TEX11: variants seen among roughly 807,000 people sequenced by gnomAD.
TEX11 encodes testis expressed 11.
Under a neutral mutation model 84.4 loss-of-function variants are expected in TEX11, and 7 were observed. The ratio of observed to expected loss-of-function variants is 0.08; its 90% CI spans 0.05 to 0.16. The LOEUF is 0.16. TEX11 is among the 10% of genes least tolerant of loss of function. The probability of loss-of-function intolerance (pLI) is 1.00; values close to 1 mark genes in which losing one functional copy is unlikely to be tolerated. For synonymous variants in TEX11, 264 were observed against 222.8 expected (o/e 1.18, Z -1.64); for missense variants, 551 against 660.5 (o/e 0.83, Z 1.82).
intron 8 of TEX11, among the ~76,000 whole-genome samples, chrX:70,824,292 G>A (rs1475786032): frequency 1.8e-5 from 2 of 112,003 alleles, no homozygotes; most frequent in Non-Finnish European, 3.8e-5. Context: ...AGAAGCGAAT[G>A]CTGTGGTACA....
chrX:70,890,544 G>A (rs1355661555), intron 2 of TEX11, among the ~76,000 whole-genome samples: 1 of 112,839 alleles, frequency 8.9e-6, no homozygotes, highest in African/African-American at 3.2e-5. Context: ...AGCACACCAG[G>A]AGATTGTGTT....
chrX:70,749,043 C>T (rs765842237), intron 9 of TEX11, among the ~76,000 whole-genome samples: 4 of 101,546 alleles, frequency 3.9e-5, no homozygotes, highest in African/African-American at 1.6e-4. Context: ...TCGATTCTTC[C>T]TACCCATGAG....
intron 2 of TEX11, among the ~76,000 whole-genome samples, chrX:70,902,189 T>C (rs1469141138): frequency 8.9e-6 from 1 of 112,019 alleles, no homozygotes; most frequent in Admixed American, 9.5e-5. Context: ...AGGTAGAAGC[T>C]GTGGTGAGCC....
At chrX:70,779,105 T>TA (rs1461012835) in intron 9 of TEX11, among the ~76,000 whole-genome samples, 1 of 109,461 alleles carries the variant, frequency 9.1e-6, no homozygotes, top group African/African-American at 3.3e-5. Flanking sequence ...CAAATGAAAA[T>TA]AAAAACAATC....
At chrX:70,629,456 G>T (rs984997104) in intron 18 of TEX11, among the ~76,000 whole-genome samples, 155 bp downstream of exon 18, 4 of 111,777 alleles carry the variant, frequency 3.6e-5, no homozygotes, top group African/African-American at 1.3e-4. Context: ...GAAATGAGAA[G>T]AAATAAAGCA....
chrX:70,809,934 T>C (rs1444934976), intron 8 of TEX11, among the ~76,000 whole-genome samples: 1 of 111,935 alleles, frequency 8.9e-6, no homozygotes, highest in Admixed American at 9.5e-5. Flanking sequence ...TATGTATAGA[T>C]ACACACTGAT....
chrX:70,646,367 T>C (rs2089742833), intron 17 of TEX11, among the ~76,000 whole-genome samples: 1 of 111,789 alleles, frequency 8.9e-6, no homozygotes, highest in South Asian at 3.7e-4. Flanking sequence ...AACACAAAAA[T>C]AGACACATGG....
At chrX:70,882,273 A>C (rs1178181293) in intron 2 of TEX11, among the ~76,000 whole-genome samples, 1 of 110,974 alleles carries the variant, frequency 9.0e-6, no homozygotes, top group East Asian at 2.8e-4. Context: ...ATTTTTAAAA[A>C]TATTTTTGAG....
intron 11 of TEX11, among the ~76,000 whole-genome samples, chrX:70,732,238 T>C (rs760783825): frequency 4.0e-4 from 45 of 111,746 alleles, no homozygotes; most frequent in East Asian, 1.7e-3. Context: ...CTTTGAAAAC[T>C]GGCACAAGAC....
chrX:70,714,068 G>GCAGGTTGTT (rs1382581535), intron 13 of TEX11, among the ~76,000 whole-genome samples: 3 of 111,762 alleles, frequency 2.7e-5, no homozygotes, highest in Non-Finnish European at 5.6e-5. Flanking sequence ...TCATTCAGGA[G>GCAGGTTGTT]CAGGTTGTTC....
At chrX:70,860,792 T>C in intron 5 of TEX11, 65 bp downstream of exon 5, 3 of 811,249 alleles carry the variant, frequency 3.7e-6, no homozygotes, top group Middle Eastern at 5.6e-4. Context: ...ACACTAACTT[T>C]ACCATTTTCA....
At chrX:70,883,680 C>A (rs1452203286) in intron 2 of TEX11, among the ~76,000 whole-genome samples, 1 of 111,826 alleles carries the variant, frequency 8.9e-6, no homozygotes, top group African/African-American at 3.2e-5. Context: ...ATTAAATTAT[C>A]TTCCTGGCTA....
chrX:70,736,875 G>A (rs1471542491), intron 11 of TEX11, among the ~76,000 whole-genome samples: 1 of 111,712 alleles, frequency 9.0e-6, no homozygotes, highest in African/African-American at 3.2e-5. Flanking sequence ...GAGTTCACAT[G>A]AACAGCGGGA....
At chrX:70,825,523 T>C (rs2091340770) in intron 8 of TEX11, among the ~76,000 whole-genome samples, 1 of 110,815 alleles carries the variant, frequency 9.0e-6, no homozygotes, top group South Asian at 3.8e-4. Context: ...TAAACACTCA[T>C]GAAATAAATA....
chrX:70,857,784 T>C (rs890025949), intron 5 of TEX11, among the ~76,000 whole-genome samples: 3 of 111,612 alleles, frequency 2.7e-5, no homozygotes, highest in Non-Finnish European at 5.6e-5. Flanking sequence ...GCATGTGTAT[T>C]GCAAAATTGT....
chrX:70,589,918 G>A lies in TEX11; in HGVS notation c.2140+1833C>T, dbSNP rs765964835. Among the ~76,000 whole-genome samples, 13 of 112,243 alleles carry A rather than the reference G, an allele frequency of 1.2e-4. No homozygotes were observed. In the South Asian group the frequency reaches 1.9e-3, roughly 16 times the overall value. On this transcript the variant is annotated intron_variant, in intron 25 of 29. Coordinates refer to ENST00000374333, the MANE Select transcript of TEX11 (RefSeq NM_031276.3). The stretch of plus-strand genomic sequence containing the variant: ...TATTTTCATTACCATTAGAGCCTAG[G>A]TATACTGTAGTTTGGGTTTTTAAAA...
intron 9 of TEX11, among the ~76,000 whole-genome samples, chrX:70,754,816 G>A: frequency 1.8e-5 from 2 of 111,791 alleles, no homozygotes; most frequent in East Asian, 5.7e-4. Flanking sequence ...AGTAAGGGAA[G>A]AAAACAAGAG....
chrX:70,701,055 G>A (rs1037338761), intron 13 of TEX11, among the ~76,000 whole-genome samples: 1 of 111,812 alleles, frequency 8.9e-6, no homozygotes, highest in Middle Eastern at 4.6e-3. Context: ...AGCTGTCTCC[G>A]TAACATAAAA....
intron 11 of TEX11, among the ~76,000 whole-genome samples, chrX:70,725,771 A>G (rs974584373): frequency 4.5e-5 from 5 of 112,118 alleles, no homozygotes; most frequent in Non-Finnish European, 9.4e-5. Context: ...GTTTACCATT[A>G]ATAACAACGT....
Sources: gnomAD v4.1 joint callset for allele counts (sites outside exome capture counted in the v4.1 genomes callset) on GRCh38, gnomAD v4.1.1 for gene constraint, MANE v1.5 for transcripts, NCBI Gene and HGNC (gene_info 2026-07-23, HGNC 2026-07-21) for gene names.